Variants in FER1L6 observed in about 807,000 individuals in gnomAD.
FER1L6 encodes the protein fer-1 like family member 6.
In FER1L6, 177 loss-of-function variants were observed where a neutral mutation model predicts 219.2. That is an observed-to-expected ratio of 0.81 (90% CI 0.71 to 0.91). The LOEUF (loss-of-function observed/expected upper bound fraction) is 0.91, where lower values mean the gene tolerates loss of function less well. FER1L6 is among the 40% of genes least tolerant of loss of function. The pLI, the probability that FER1L6 is intolerant of heterozygous loss-of-function variation, is 0.00. For synonymous variants in FER1L6, 768 were observed against 824.3 expected (o/e 0.93, Z 1.17); for missense variants, 2,153 against 2,259.9 (o/e 0.95, Z 0.96).
chr8:124,112,291 G>A (rs1398346533), intron 39 of FER1L6, among the ~76,000 whole-genome samples: 1 of 152,184 alleles, frequency 6.6e-6, no homozygotes, highest in Non-Finnish European at 1.5e-5. Flanking sequence ...TATTTTTAAA[G>A]CTGCTTATCA....
At chr8:124,000,928 A>AGG (rs1817380241) in intron 12 of FER1L6, among the ~76,000 whole-genome samples, 4 of 152,188 alleles carry the variant, frequency 2.6e-5, no homozygotes, top group Admixed American at 2.6e-4. Context: ...AGAGGGACCC[A>AGG]GGAGGGTTAG....
chr8:124,055,059 G>A (rs550326364), intron 22 of FER1L6, among the ~76,000 whole-genome samples: 2 of 152,250 alleles, frequency 1.3e-5, no homozygotes, highest in East Asian at 3.9e-4. Context: ...AGAGTCTTTT[G>A]GATCAACTGA....
rs1816522401 is a variant in FER1L6, at chr8:123,852,222, T to C, written c.-8+37T>C. ...GATAATAGATTCTACAGAAGCATTG[T>C]GTGCAGGGAAGGCAAGTTCATATCC... On this transcript the variant is annotated intron_variant, in intron 1 of 40. Transcript: ENST00000522917. The surrounding 1 kb of genome is among the most constrained non-coding windows in gnomAD (Gnocchi z 4.9). 6.6e-6 allele frequency: 1 copy of C among 152,294 alleles called. No homozygotes were observed. The highest frequency in any genetic ancestry group is 2.4e-5 in the African/African-American group (1 of 41,450). 9.4% of individuals were successfully genotyped at this position (152,294 alleles called of 1,614,324 possible).
rs185901722 is a variant in FER1L6, at chr8:124,032,070, T to A, written c.2287-3207T>A. On this transcript the variant is annotated intron_variant, in intron 18 of 40. Transcript: ENST00000522917. ...TTAACCATGAGTTTAAACACCCATT[T>A]ATTGTTTAGTAGCAGTAGAAATGAA... Among the ~76,000 whole-genome samples, 4 of 152,368 alleles carry A rather than the reference T, an allele frequency of 2.6e-5. No homozygotes were observed. In the East Asian group the frequency reaches 7.7e-4, roughly 29 times the overall value.
rs183080476 is a variant in FER1L6 at position 123,852,347 on chromosome 8, C to G, written c.-8+162C>G. 3.3e-4 allele frequency among the ~76,000 whole-genome samples: 50 copies of G among 152,268 alleles called. No individual in the cohort carries two copies. The highest frequency in any genetic ancestry group is 5.4e-4 in the Non-Finnish European group (37 of 68,010). On this transcript the variant is annotated intron_variant, in intron 1 of 40. Coordinates refer to ENST00000522917, the MANE Select transcript of FER1L6 (RefSeq NM_001039112.2). The surrounding 1 kb of genome is among the most constrained non-coding windows in gnomAD (Gnocchi z 4.9). ...ACCTGCCTCCAGGTAGCTGGCTGGT[C>G]ACCCCAGGGAATGGTGCCATATATT...
At chr8:124,033,060 G>A (rs183450697) in intron 18 of FER1L6, among the ~76,000 whole-genome samples, 1 of 152,216 alleles carries the variant, frequency 6.6e-6, no homozygotes, top group African/African-American at 2.4e-5. Flanking sequence ...GCAGGCAATA[G>A]AACATTCTGT....
At chr8:124,018,522 A>G (rs978232567) in intron 16 of FER1L6, among the ~76,000 whole-genome samples, 11 of 152,182 alleles carry the variant, frequency 7.2e-5, no homozygotes, top group Non-Finnish European at 1.0e-4. Flanking sequence ...GATTCCCACC[A>G]TCAATAAGAC....
chr8:124,044,839 A>T (rs765129578), intron 20 of FER1L6, among the ~76,000 whole-genome samples: 5 of 152,202 alleles, frequency 3.3e-5, no homozygotes, highest in Non-Finnish European at 7.3e-5. Flanking sequence ...AAAATGCAAG[A>T]CCAAATATGC....
rs1349917958 is a variant in FER1L6, at chr8:123,980,604, T to C, written c.1203T>C (p.Ile401=). The change falls in exon 11 of 41, where the codon ATT becomes ATC. Residue 401 remains isoleucine (I), a synonymous_variant. Coordinates refer to ENST00000522917, the MANE Select transcript of FER1L6 (RefSeq NM_001039112.2). ...TCAGGGGCAGAATCTTGGTAGAAAT[T>C]GCTGTGGAAATCCTCTCAGGACGGG... The part of the protein sequence containing the change: ...VSFRGRILVE[I]AVEILSGRAQ... 6.2e-7 allele frequency: 1 copy of C among 1,614,082 alleles called. No homozygotes were observed. Among genetic ancestry groups the C allele is most frequent in the East Asian group, 2.2e-5 (1 of 44,880 alleles).
At chr8:124,088,127 C>T (rs1048794450) in intron 33 of FER1L6, among the ~76,000 whole-genome samples, 7 of 152,138 alleles carry the variant, frequency 4.6e-5, no homozygotes, top group African/African-American at 1.7e-4. Flanking sequence ...TCTGTCCTTC[C>T]CCCCAGGCCT....
intron 1 of FER1L6, among the ~76,000 whole-genome samples, chr8:123,934,069 A>G (rs1284818046): frequency 1.3e-5 from 2 of 152,108 alleles, no homozygotes; most frequent in Admixed American, 6.5e-5. Flanking sequence ...CTTGGCCACA[A>G]TACTCCCTCC....
intron 1 of FER1L6, among the ~76,000 whole-genome samples, chr8:123,951,700 A>G (rs1814777071): frequency 2.0e-5 from 3 of 152,270 alleles, no homozygotes; most frequent in Admixed American, 1.3e-4. Flanking sequence ...GAAAGAATTC[A>G]TCAAATATAT....
intron 18 of FER1L6, among the ~76,000 whole-genome samples, chr8:124,025,828 G>C (rs1387543486): frequency 7.7e-6 from 1 of 130,592 alleles, no homozygotes; most frequent in Non-Finnish European, 1.6e-5. Flanking sequence ...ATTTGCATTT[G>C]TTTGTGTCAT....
intron 1 of FER1L6, among the ~76,000 whole-genome samples, chr8:123,906,587 G>T (rs1452794591): frequency 6.6e-6 from 1 of 151,966 alleles, no homozygotes; most frequent in Non-Finnish European, 1.5e-5. Context: ...ATTACTTGTG[G>T]TCAGGAGTTC....
chr8:123,894,239 G>T (rs1486237347), intron 1 of FER1L6, among the ~76,000 whole-genome samples: 3 of 152,122 alleles, frequency 2.0e-5, no homozygotes, highest in African/African-American at 7.2e-5. Context: ...CATTCATCAT[G>T]ATTGCTTCCT....
At chr8:124,067,198 T>G (rs1242305904) in intron 27 of FER1L6, among the ~76,000 whole-genome samples, 1 of 152,230 alleles carries the variant, frequency 6.6e-6, no homozygotes, top group East Asian at 1.9e-4. Flanking sequence ...TTGAATGCAC[T>G]TCTGCTTCTT....
In FER1L6 at chr8:124,008,935, G is replaced by GC. The variant is rs1443682814; in HGVS notation, c.1701-1659_1701-1658insC. Among the ~76,000 whole-genome samples, 567 of 142,258 alleles carry GC rather than the reference G, an allele frequency of 4.0e-3. 3 individuals are homozygous for GC. Among genetic ancestry groups the GC allele is most frequent in the African/African-American group, 0.015 (540 of 35,242 alleles). The allele number at this position is 142,258 out of a possible 152,430, so 93.3% of individuals were successfully genotyped here. On this transcript the variant is annotated intron_variant, in intron 13 of 40. Coordinates refer to ENST00000522917, the MANE Select transcript of FER1L6 (RefSeq NM_001039112.2). ...ACCACAATGCTCAAAATGCACAAAT[G>GC]ATCAAAATGCACAAATGCAAATCAA...
At chr8:123,964,099 G>A (rs1815424651) in intron 3 of FER1L6, among the ~76,000 whole-genome samples, 1 of 152,210 alleles carries the variant, frequency 6.6e-6, no homozygotes, top group Admixed American at 6.5e-5. Flanking sequence ...GCCAATGGTA[G>A]CAATGGCAGG....
intron 12 of FER1L6, among the ~76,000 whole-genome samples, chr8:124,000,560 T>C (rs1817360373): frequency 6.6e-6 from 1 of 152,182 alleles, no homozygotes; most frequent in African/African-American, 2.4e-5. Context: ...TTACCCAGAG[T>C]TCACTTAATG....
Sources: gnomAD v4.1 joint callset for allele counts (sites outside exome capture counted in the v4.1 genomes callset) on GRCh38, gnomAD v4.1.1 for gene constraint, Gnocchi (gnomAD v3.1) non-coding constraint, MANE v1.5 for transcripts, NCBI Gene and HGNC (gene_info 2026-07-23, HGNC 2026-07-21) for gene names.